BNIP5: variants seen among roughly 807,000 people sequenced by gnomAD.
BNIP5 encodes the protein BCL2 interacting protein 5.
BNIP5 carries 61 observed loss-of-function variants against 67.3 expected under a neutral mutation model. That is an observed-to-expected ratio of 0.91 (90% CI 0.74 to 1.12). The LOEUF (loss-of-function observed/expected upper bound fraction) is 1.12, where lower values mean the gene tolerates loss of function less well. BNIP5 is among the 50% of genes most tolerant of loss of function. The pLI is 0.00. For synonymous variants in BNIP5, 317 were observed against 319.0 expected, an observed-to-expected ratio of 0.99 and a Z score of 0.07; for missense variants, 826 against 816.3, an observed-to-expected ratio of 1.01 and a Z score of -0.14.
At position 36,319,239 on chromosome 6, in the gene BNIP5, A is replaced by G. The variant is rs1239695453; in HGVS notation, c.1923+117T>C. 9.9e-6 allele frequency: 13 copies of G among 1,315,960 alleles called. No homozygotes were observed. In the Admixed American group the frequency reaches 2.7e-4, roughly 27 times the overall value. 81.5% of individuals were successfully genotyped at this position (1,315,960 alleles called of 1,614,324 possible). ...GGAGGTGACATTTGAGATAGACCCA[A>G]AAATTCTGAACTGAGCAGGGGAGGG... On this transcript the variant is annotated intron_variant, in intron 11 of 11. Coordinates refer to ENST00000437635, the MANE Select transcript of BNIP5 (RefSeq NM_001010903.5).
In BNIP5 at chr6:36,316,966, T is replaced by G; in HGVS notation, c.*390A>C. 2.4e-6 allele frequency: 1 copy of G among 423,144 alleles called. No individual in the cohort carries two copies. The highest frequency in any genetic ancestry group is 4.2e-6 in the Non-Finnish European group (1 of 240,808). 26.2% of individuals were successfully genotyped at this position (423,144 alleles called of 1,614,324 possible). On this transcript the variant is annotated 3_prime_UTR_variant, in exon 12 of 12. Coordinates refer to ENST00000437635, the MANE Select transcript of BNIP5 (RefSeq NM_001010903.5). ...TTAGAGATTAAATAAAAATTTAGTT[T>G]AAAAACTAGACTCAGTTAACATGAA...
intron 2 of BNIP5, among the ~76,000 whole-genome samples, chr6:36,329,639 T>C (rs1771839046): frequency 6.6e-6 from 1 of 152,046 alleles, no homozygotes; most frequent in African/African-American, 2.4e-5. Flanking sequence ...GGTGAAACCC[T>C]GTCTCTGCTA....
At chr6:36,324,015 A>T in intron 7 of BNIP5, 114 bp downstream of exon 7, 1 of 779,276 alleles carries the variant, frequency 1.3e-6, no homozygotes, top group East Asian at 2.5e-5. Context: ...AAAAAAAAAA[A>T]GGAGGGACTG....
At position 36,316,776 on chromosome 6, in the gene BNIP5, T is replaced by C; in HGVS notation, c.*580A>G. 1 of 399,524 alleles carries C rather than the reference T, an allele frequency of 2.5e-6. No homozygotes were observed. The highest frequency in any genetic ancestry group is 4.4e-6 in the Non-Finnish European group (1 of 226,720). The allele number at this position is 399,524 out of a possible 1,614,324, so 24.7% of individuals were successfully genotyped here. ...ACAGGACACAGGGTTAGAAGGATTC[T>C]GAGAGACCAAGTGTCCCCAGTCTCT... On this transcript the variant is annotated 3_prime_UTR_variant, in exon 12 of 12. Coordinates refer to ENST00000437635, the MANE Select transcript of BNIP5 (RefSeq NM_001010903.5).
intron 1 of BNIP5, among the ~76,000 whole-genome samples, chr6:36,332,869 G>T (rs1160756886): frequency 6.6e-6 from 1 of 152,154 alleles, no homozygotes; most frequent in Non-Finnish European, 1.5e-5. Context: ...AATAAAATAT[G>T]GTTTTGAATG....
At chr6:36,329,719 G>A (rs1771840946) in intron 2 of BNIP5, among the ~76,000 whole-genome samples, 2 of 152,094 alleles carry the variant, frequency 1.3e-5, no homozygotes, top group South Asian at 4.1e-4. Context: ...GGCTGAGGCA[G>A]GAGAATCACT....
chr6:36,324,575 TTATATATATATATA>T (rs58409463), intron 6 of BNIP5, among the ~76,000 whole-genome samples: 10 of 50,832 alleles, frequency 2.0e-4, no homozygotes, highest in Non-Finnish European at 3.1e-4. Context: ...GACGGTGATA[TTATATATATATATA>T]TATATATATA....
chr6:36,326,799 G>A (rs376260926), intron 4 of BNIP5, 46 bp from the exon 5 acceptor site: 6 of 1,609,648 alleles, frequency 3.7e-6, no homozygotes, highest in African/African-American at 1.3e-5. Flanking sequence ...GACACTGAGA[G>A]GGGGAAAGCT....
intron 1 of BNIP5, 46 bp from the exon 2 acceptor site, chr6:36,330,740 T>C (rs1771886639): frequency 2.0e-6 from 3 of 1,511,022 alleles, no homozygotes; most frequent in Non-Finnish European, 2.6e-6. Flanking sequence ...GTTTGTTTGT[T>C]TTGATTTGTT....
rs762695668 is a variant in BNIP5, at chr6:36,326,614, C to T, written c.932G>A (p.Arg311Lys). ...TGGACTGGAAACATCTGCAGCCCCC[C>T]TCTTGGCCTCCTCGGAGCCGTGTTT... ...PKKHGSEEAK[R>K]GAADVSSPEA... The change falls in exon 5 of 12, where the codon AGG becomes AAG. Residue 311 changes from arginine to lysine, a missense_variant. Coordinates refer to ENST00000437635, the MANE Select transcript of BNIP5 (RefSeq NM_001010903.5). 39 of 1,614,146 alleles carry T rather than the reference C, an allele frequency of 2.4e-5. No individual in the cohort carries two copies. Among genetic ancestry groups the T allele is most frequent in the Admixed American group, 1.8e-4 (11 of 60,008 alleles).
rs1368366015 is a variant in BNIP5, at chr6:36,330,622, C to T, written c.69G>A (p.Gln23=). 1.2e-6 allele frequency: 2 copies of T among 1,609,224 alleles called. No individual in the cohort carries two copies. The highest frequency in any genetic ancestry group is 1.7e-5 in the Admixed American group (1 of 60,034). Residue 23 remains glutamine, a synonymous_variant, in exon 2 of 12, where the codon CAG becomes CAA. Transcript: ENST00000437635. ...EKKARSLDRP[Q]APGKGSESWD... ...ACGACTCCGAGCCTTTCCCGGGGGCCTGCGGCCTGTCCAGAGACCTGGCTT... is the reference window on the plus strand; with the variant it reads ...ACGACTCCGAGCCTTTCCCGGGGGCTTGCGGCCTGTCCAGAGACCTGGCTT...
intron 9 of BNIP5, among the ~76,000 whole-genome samples, 188 bp from the exon 10 acceptor site, chr6:36,321,407 A>T (rs1445554714): frequency 6.6e-6 from 1 of 152,196 alleles, no homozygotes; most frequent in Non-Finnish European, 1.5e-5. Flanking sequence ...AGTATGAGAG[A>T]CTTGTTTGGG....
At chr6:36,331,720 GGTCTTGCTGT>G (rs1371090415) in intron 1 of BNIP5, among the ~76,000 whole-genome samples, 1 of 152,054 alleles carries the variant, frequency 6.6e-6, no homozygotes, top group Non-Finnish European at 1.5e-5. Context: ...ATAGATATGG[GGTCTTGCTGT>G]GTTTGTGCAG....
At chr6:36,325,207 A>G in intron 6 of BNIP5, 76 bp downstream of exon 6, 1 of 1,496,288 alleles carries the variant, frequency 6.7e-7, no homozygotes, top group Non-Finnish European at 9.3e-7. Flanking sequence ...TCTCTGGCTC[A>G]GTGTCTCTTT....
chr6:36,324,786 C>T (rs979329237), intron 6 of BNIP5, among the ~76,000 whole-genome samples: 54 of 150,698 alleles, frequency 3.6e-4, no homozygotes, highest in African/African-American at 1.2e-3. Context: ...AGCTGGGCCA[C>T]CCAACAATGA....
At chr6:36,329,991 C>T in intron 2 of BNIP5, 90 bp downstream of exon 2, 3 of 1,433,010 alleles carry the variant, frequency 2.1e-6, no homozygotes. Context: ...GACAGCTCCC[C>T]CGACTATCCC....
rs186259372 is a variant in BNIP5, at chr6:36,324,181, A to G, written c.1178T>C (p.Ile393Thr). 73 of 1,613,626 alleles carry G rather than the reference A, an allele frequency of 4.5e-5. No homozygotes were observed. Among genetic ancestry groups the G allele is most frequent in the Non-Finnish European group, 3.5e-5 (41 of 1,179,722 alleles). ...TTGGAGCATGGAAATGATCTTCTGA[A>G]TGAATTCTTCTGAAAAAGATCAACA... ...LDRASEYKEF[I>T]QKIISMLQDA... is the part of the protein sequence containing the mutation. Residue 393 changes from isoleucine (I) to threonine (T), a missense_variant, in exon 7 of 12, where the codon ATT (isoleucine) becomes ACT (threonine). By Grantham distance (89) the Ile-to-Thr change is moderately conservative. Coordinates refer to ENST00000437635, the MANE Select transcript of BNIP5 (RefSeq NM_001010903.5).
At chr6:36,326,970 G>T in intron 4 of BNIP5, 60 bp downstream of exon 4, 1 of 1,504,680 alleles carries the variant, frequency 6.6e-7, no homozygotes, top group South Asian at 1.1e-5. Flanking sequence ...GTGGAGCTTG[G>T]CAGAGGAGGA....
chr6:36,334,602 G>A (rs1370544570), intron 1 of BNIP5, among the ~76,000 whole-genome samples: 1 of 152,146 alleles, frequency 6.6e-6, no homozygotes, highest in African/African-American at 2.4e-5. Context: ...GCGGCTGACT[G>A]GGGAAGACAC....
Sources: allele counts gnomAD v4.1 joint callset (sites outside exome capture counted in the v4.1 genomes callset), GRCh38; gene constraint gnomAD v4.1.1; transcripts MANE v1.5; gene names NCBI Gene and HGNC (gene_info 2026-07-23, HGNC 2026-07-21).